Variants in FMN1 observed in about 807,000 individuals in gnomAD.
The protein encoded by FMN1 is formin 1, also known as formin-1.
A neutral mutation model predicts 132.4 loss-of-function variants in FMN1; 110 were observed. That is an observed-to-expected ratio of 0.83 (90% CI 0.71 to 0.97). FMN1 has a LOEUF of 0.97. Ranked by LOEUF, FMN1 falls within the 50% of genes least tolerant of loss-of-function variation. The pLI, the probability that FMN1 is intolerant of heterozygous loss-of-function variation, is 0.00. For missense variants in FMN1, 1,792 were observed against 1,705.3 expected (o/e 1.05, Z -0.90); for synonymous variants, 722 against 651.7 (o/e 1.11, Z -1.64).
chr15:32,904,741 C>G (rs530484366), intron 12 of FMN1, among the ~76,000 whole-genome samples: 2 of 152,274 alleles, frequency 1.3e-5, no homozygotes, highest in Admixed American at 1.3e-4. Context: ...TTTTATGACC[C>G]TTGCCATCCA....
Position 33,119,027 on chromosome 15 carries a change from C to T in FMN1, c.1868-30053G>A, listed in dbSNP as rs187667247. Among the ~76,000 whole-genome samples the T allele has an allele frequency of 1.2e-4, 19 of 152,234 alleles. No homozygotes were observed. The East Asian group carries it at 2.7e-3, about 22-fold the overall frequency. On this transcript the variant is annotated intron_variant, in intron 4 of 20. Transcript: ENST00000616417. ...AAAAAATTGGAGATCAGCACCCCTGCAGGTATCAACTGGAGGACATCTGAA... is the reference window on the plus strand; with the variant it reads ...AAAAAATTGGAGATCAGCACCCCTGTAGGTATCAACTGGAGGACATCTGAA...
chr15:33,129,289 A>C (rs753888843), intron 4 of FMN1, among the ~76,000 whole-genome samples: 2 of 152,220 alleles, frequency 1.3e-5, no homozygotes, highest in Non-Finnish European at 2.9e-5. Context: ...TTTAAATATA[A>C]ATAATATAGT....
chr15:32,937,964 T>C (rs574590162), intron 9 of FMN1, among the ~76,000 whole-genome samples: 8 of 152,336 alleles, frequency 5.3e-5, no homozygotes, highest in African/African-American at 1.9e-4. Flanking sequence ...AAGACTTTGA[T>C]ATACACTTAG....
chr15:33,068,115 G>A, intron 5 of FMN1: 1 of 1,124,452 alleles, frequency 8.9e-7, no homozygotes, highest in Non-Finnish European at 1.2e-6. Flanking sequence ...TGGAGTCTAT[G>A]CCCAGAAGCA....
chr15:32,985,905 G>C (rs1400255223), intron 7 of FMN1, among the ~76,000 whole-genome samples: 2 of 152,088 alleles, frequency 1.3e-5, no homozygotes, highest in Admixed American at 6.6e-5. Flanking sequence ...AATTTTTATA[G>C]TTCTAAATAT....
intron 3 of FMN1, among the ~76,000 whole-genome samples, chr15:33,164,188 AT>A (rs1965008161): frequency 6.6e-6 from 1 of 152,164 alleles, no homozygotes; most frequent in Admixed American, 6.6e-5. Flanking sequence ...TTTCTCAATG[AT>A]TTTTGTTTTC....
At chr15:32,817,000 T>C (rs2058078273) in intron 17 of FMN1, among the ~76,000 whole-genome samples, 1 of 152,216 alleles carries the variant, frequency 6.6e-6, no homozygotes, top group Non-Finnish European at 1.5e-5. Flanking sequence ...GGCTTAAGAC[T>C]GACGTTAACT....
chr15:33,141,381 A>G (rs2468750), intron 4 of FMN1, among the ~76,000 whole-genome samples: 1 of 151,964 alleles, frequency 6.6e-6, no homozygotes, highest in Non-Finnish European at 1.5e-5. Flanking sequence ...TTGTCCTAGC[A>G]TCATTCATCA....
In FMN1 at chr15:32,773,996, C is replaced by G. The variant is rs2056332309; in HGVS notation, c.*314G>C. 1 of 362,926 alleles carries G rather than the reference C, an allele frequency of 2.8e-6. No individual in the cohort carries two copies. Among genetic ancestry groups the G allele is most frequent in the African/African-American group, 2.2e-5 (1 of 45,838 alleles). The allele number at this position is 362,926 out of a possible 1,614,324, so 22.5% of individuals were successfully genotyped here. A position where few individuals can be genotyped will look rare whatever the true frequency, so the allele number is the denominator to read the frequency against. ...GCTTTGGTTATAAAGCTGGAAATCT[C>G]AGCTTTTAAAAAAATTTTGGAAACA... is the stretch of plus-strand genomic sequence containing the variant. On this transcript the variant is annotated 3_prime_UTR_variant, in exon 21 of 21. Coordinates refer to ENST00000616417, the MANE Select transcript of FMN1 (RefSeq NM_001277313.2).
At chr15:32,895,675 T>C (rs1467971979) in intron 15 of FMN1, among the ~76,000 whole-genome samples, 1 of 152,172 alleles carries the variant, frequency 6.6e-6, no homozygotes, top group East Asian at 1.9e-4. Context: ...GCAATTTATG[T>C]CTTCTATATG....
rs972592970 is a variant in FMN1, at chr15:32,804,553, G to A, written c.3929-221C>T. On this transcript the variant is annotated intron_variant, in intron 17 of 20. Coordinates refer to ENST00000616417, the MANE Select transcript of FMN1 (RefSeq NM_001277313.2). Reference sequence around the variant, plus strand: ...AATTATACTAAGTTCTAGGGTACATGTGCACTACGTGCAGGTTTGTTACAT... The same window carrying A: ...AATTATACTAAGTTCTAGGGTACATATGCACTACGTGCAGGTTTGTTACAT... 7.5e-5 allele frequency among the ~76,000 whole-genome samples: 11 copies of A among 146,512 alleles called. No homozygotes were observed. In the East Asian group the frequency reaches 2.3e-3, roughly 30 times the overall value.
chr15:33,039,988 T>C (rs1246059182), intron 6 of FMN1, among the ~76,000 whole-genome samples: 1 of 152,156 alleles, frequency 6.6e-6, no homozygotes, highest in Non-Finnish European at 1.5e-5. Context: ...CTAAAACCTT[T>C]CAGTGGCTCC....
At chr15:33,067,486 ATCG>A in intron 5 of FMN1, 1 of 1,613,956 alleles carries the variant, frequency 6.2e-7, no homozygotes, top group Non-Finnish European at 8.5e-7. Flanking sequence ...CACAAATGAC[ATCG>A]TCTTTTGTCC....
intron 9 of FMN1, among the ~76,000 whole-genome samples, chr15:32,930,796 T>C (rs1365297221): frequency 6.6e-6 from 1 of 152,130 alleles, no homozygotes; most frequent in African/African-American, 2.4e-5. Context: ...GACTTTTCCC[T>C]ATTTTTTAAA....
chr15:33,018,162 G>T (rs1200135009), intron 6 of FMN1, among the ~76,000 whole-genome samples: 2 of 152,272 alleles, frequency 1.3e-5, no homozygotes, highest in East Asian at 3.9e-4. Flanking sequence ...AGGTCATGAA[G>T]GCAGAGCCCT....
At chr15:32,841,423 T>G (rs1398336067) in intron 17 of FMN1, among the ~76,000 whole-genome samples, 1 of 152,238 alleles carries the variant, frequency 6.6e-6, no homozygotes, top group Non-Finnish European at 1.5e-5. Flanking sequence ...TTCTGGTTTC[T>G]TATCTATATT....
chr15:33,092,996 A>G (rs2038956359), intron 4 of FMN1, among the ~76,000 whole-genome samples: 1 of 152,236 alleles, frequency 6.6e-6, no homozygotes, highest in Admixed American at 6.5e-5. Context: ...ATTGTCTTTA[A>G]TCGTCTAAGA....
At chr15:32,821,440 T>C (rs1410987925) in intron 17 of FMN1, among the ~76,000 whole-genome samples, 1 of 143,684 alleles carries the variant, frequency 7.0e-6, no homozygotes, top group Non-Finnish European at 1.5e-5. Flanking sequence ...GACTAATAAA[T>C]ATTTAAATCT....
intron 4 of FMN1, among the ~76,000 whole-genome samples, chr15:33,135,157 T>A (rs1347650059): frequency 6.6e-6 from 1 of 152,234 alleles, no homozygotes; most frequent in East Asian, 1.9e-4. Context: ...AGGAATGTTT[T>A]TTAAGTGTCA....
Sources: gnomAD v4.1 joint callset for allele counts (sites outside exome capture counted in the v4.1 genomes callset) on GRCh38, gnomAD v4.1.1 for gene constraint, MANE v1.5 for transcripts, NCBI Gene and HGNC (gene_info 2026-07-23, HGNC 2026-07-21) for gene names.